Variants in PIWIL2 observed in about 807,000 individuals in gnomAD.
PIWIL2 encodes the protein piwi like RNA-mediated gene silencing 2, also known as piwi-like protein 2.
A neutral mutation model predicts 116.5 loss-of-function variants in PIWIL2; 81 were observed. The observed-to-expected ratio is 0.70, with a 90% CI of 0.58 to 0.84. The LOEUF is 0.84. PIWIL2 is among the 40% of genes least tolerant of loss of function. The probability of loss-of-function intolerance (pLI) is 0.00; values close to 1 mark genes in which losing one functional copy is unlikely to be tolerated. For missense variants in PIWIL2, 1,272 were observed against 1,212.3 expected, an observed-to-expected ratio of 1.05 and a Z score of -0.73; for synonymous variants, 489 against 429.5, an observed-to-expected ratio of 1.14 and a Z score of -1.71.
intron 21 of PIWIL2, among the ~76,000 whole-genome samples, chr8:22,353,764 C>CCTTTTT (rs1832427021): frequency 1.5e-5 from 1 of 68,328 alleles, no homozygotes; most frequent in Non-Finnish European, 2.6e-5. Flanking sequence ...GTTTCTACCA[C>CCTTTTT]TTTTTTTTTT....
chr8:22,282,315 G>A (rs1188522540), intron 4 of PIWIL2, among the ~76,000 whole-genome samples: 5 of 118,512 alleles, frequency 4.2e-5, no homozygotes, highest in African/African-American at 6.4e-5. Context: ...GCAGTGGCAC[G>A]ATCTTGGCTC....
At chr8:22,300,950 T>C in intron 10 of PIWIL2, among the ~76,000 whole-genome samples, 1 of 151,792 alleles carries the variant, frequency 6.6e-6, no homozygotes, top group Admixed American at 6.6e-5. Flanking sequence ...GCATATTTTC[T>C]TCCATTTTGT....
chr8:22,311,416 A>G lies in PIWIL2; in HGVS notation c.1989+116A>G, dbSNP rs930309313. On this transcript the variant is annotated intron_variant, in intron 16 of 22. Transcript: ENST00000356766. ...TTGATGATGCCCTAGAACTTGTCTTACCCATGCGCACATGAAATACTGATT... is the reference window on the plus strand; with the variant it reads ...TTGATGATGCCCTAGAACTTGTCTTGCCCATGCGCACATGAAATACTGATT... 20 of 774,332 alleles carry G rather than the reference A, an allele frequency of 2.6e-5. No homozygotes were observed. The Admixed American group carries it at 5.8e-4, about 22-fold the overall frequency. 48.0% of individuals were successfully genotyped at this position (774,332 alleles called of 1,614,324 possible).
At chr8:22,329,490 GAGA>G (rs1259898652) in intron 20 of PIWIL2, among the ~76,000 whole-genome samples, 1 of 152,182 alleles carries the variant, frequency 6.6e-6, no homozygotes, top group Non-Finnish European at 1.5e-5. Context: ...GAAAGTGAGA[GAGA>G]AGAAGAGGCG....
chr8:22,342,065 G>A (rs1176989574), intron 20 of PIWIL2, among the ~76,000 whole-genome samples: 1 of 150,682 alleles, frequency 6.6e-6, no homozygotes, highest in East Asian at 2.0e-4. Flanking sequence ...AAATATTTGT[G>A]TCAGCAGAAA....
At chr8:22,347,282 G>A (rs1017912878) in intron 20 of PIWIL2, among the ~76,000 whole-genome samples, 4 of 148,336 alleles carry the variant, frequency 2.7e-5, no homozygotes, top group African/African-American at 5.0e-5. Context: ...GTGTGCTCTC[G>A]GCTCACTGTG....
At chr8:22,287,297 GT>G (rs1563352118) in intron 6 of PIWIL2, among the ~76,000 whole-genome samples, 1 of 152,210 alleles carries the variant, frequency 6.6e-6, no homozygotes, top group Non-Finnish European at 1.5e-5. Context: ...GCTAAGGCAG[GT>G]GTCCTTTGGT....
chr8:22,330,704 A>ATAAATAAG (rs1204558580), intron 20 of PIWIL2, among the ~76,000 whole-genome samples: 1 of 117,030 alleles, frequency 8.5e-6, no homozygotes, highest in Non-Finnish European at 1.6e-5. Flanking sequence ...CTCAAAATAA[A>ATAAATAAG]TAAATAAATA....
chr8:22,278,630 A>T (rs1830430981), intron 1 of PIWIL2, among the ~76,000 whole-genome samples: 1 of 152,226 alleles, frequency 6.6e-6, no homozygotes, highest in Non-Finnish European at 1.5e-5. Flanking sequence ...CCTCTAAGGC[A>T]GGGGTTCCCA....
At chr8:22,316,797 G>C (rs1158718746) in intron 19 of PIWIL2, among the ~76,000 whole-genome samples, 1 of 151,342 alleles carries the variant, frequency 6.6e-6, no homozygotes, top group African/African-American at 2.4e-5. Context: ...ATTTGTTTAT[G>C]CAACTTTTTT....
chr8:22,287,117 C>T (rs1830645894), intron 6 of PIWIL2, among the ~76,000 whole-genome samples: 1 of 151,934 alleles, frequency 6.6e-6, no homozygotes, highest in Admixed American at 6.6e-5. Flanking sequence ...AGAAGTCTTC[C>T]TCTTAAAATG....
chr8:22,350,072 C>T (rs536221470), intron 20 of PIWIL2, among the ~76,000 whole-genome samples: 4 of 152,244 alleles, frequency 2.6e-5, no homozygotes, highest in East Asian at 1.9e-4. Context: ...ATAGAGGCCA[C>T]GGATGATGCT....
At chr8:22,349,083 C>CT (rs1348679051) in intron 20 of PIWIL2, among the ~76,000 whole-genome samples, 4 of 143,108 alleles carry the variant, frequency 2.8e-5, no homozygotes, top group African/African-American at 1.0e-4. Flanking sequence ...GGATCTCACT[C>CT]TGTCACCCAG....
chr8:22,337,314 C>G (rs897283098), intron 20 of PIWIL2, among the ~76,000 whole-genome samples: 1 of 152,078 alleles, frequency 6.6e-6, no homozygotes, highest in Non-Finnish European at 1.5e-5. Flanking sequence ...GTTGAAGATA[C>G]AAGATCAGTA....
chr8:22,338,883 G>C (rs1046870383), intron 20 of PIWIL2, among the ~76,000 whole-genome samples: 11 of 151,980 alleles, frequency 7.2e-5, no homozygotes. Context: ...CAAAAACATA[G>C]AATAGTCAAG....
At chr8:22,289,796 A>G (rs1372153562) in intron 8 of PIWIL2, 51 bp from the exon 9 acceptor site, 2 of 1,103,040 alleles carry the variant, frequency 1.8e-6, no homozygotes, top group Admixed American at 3.5e-5. Context: ...ATAATGGAAC[A>G]TAATTTTATT....
At chr8:22,297,800 A>G (rs1425726843) in intron 10 of PIWIL2, among the ~76,000 whole-genome samples, 2 of 152,168 alleles carry the variant, frequency 1.3e-5, no homozygotes, top group Non-Finnish European at 2.9e-5. Flanking sequence ...TTGCTGGTCT[A>G]ATGGGCCTCC....
chr8:22,320,795 G>A (rs371153962), intron 20 of PIWIL2, among the ~76,000 whole-genome samples: 20 of 151,434 alleles, frequency 1.3e-4, no homozygotes, highest in East Asian at 3.9e-4. Context: ...GTTTTGCCAC[G>A]TTGGCCAGGC....
chr8:22,318,308 G>A lies in PIWIL2; in HGVS notation c.2403+33G>A, dbSNP rs772460745. The A allele has an allele frequency of 2.4e-6, 3 of 1,227,508 alleles. No homozygotes were observed. The South Asian group carries it at 3.9e-5, about 16-fold the overall frequency. The allele number at this position is 1,227,508 out of a possible 1,614,324, so 76.0% of individuals were successfully genotyped here. On this transcript the variant is annotated intron_variant, in intron 20 of 22. Transcript: ENST00000356766. ...GAACAGAAATTCTCAGGCTTCTGGG[G>A]TTTTTTGTTTTTTTATTTTTTTTTT...
Sources: gnomAD v4.1 joint callset for allele counts (sites outside exome capture counted in the v4.1 genomes callset) on GRCh38, gnomAD v4.1.1 for gene constraint, MANE v1.5 for transcripts, NCBI Gene and HGNC (gene_info 2026-07-23, HGNC 2026-07-21) for gene names.